Variants in ABCC9 observed in about 807,000 individuals in gnomAD.
ABCC9 encodes ATP binding cassette subfamily C member 9.
ABCC9 carries 95 observed loss-of-function variants against 188.3 expected under a neutral mutation model. The ratio of observed to expected loss-of-function variants is 0.50; its 90% CI spans 0.43 to 0.60. The LOEUF (loss-of-function observed/expected upper bound fraction) is 0.60. Ranked by LOEUF, ABCC9 falls within the 20% of genes least tolerant of loss-of-function variation. The probability of loss-of-function intolerance (pLI) is 0.00; values close to 1 mark genes in which losing one functional copy is unlikely to be tolerated. For synonymous variants in ABCC9, 659 were observed against 652.7 expected (o/e 1.01, Z -0.15); for missense variants, 1,102 against 1,876.3 (o/e 0.59, Z 7.62).
chr12:21,815,396 C>T (rs1364055056), intron 34 of ABCC9, among the ~76,000 whole-genome samples: 3 of 149,118 alleles, frequency 2.0e-5, no homozygotes, highest in Admixed American at 6.8e-5. Flanking sequence ...CCATTTTCTT[C>T]TGCCCACTTG....
At chr12:21,823,455 G>A (rs1163245429) in intron 31 of ABCC9, among the ~76,000 whole-genome samples, 5 of 152,094 alleles carry the variant, frequency 3.3e-5, no homozygotes, top group East Asian at 1.9e-4. Context: ...TTCAAATTAC[G>A]AGATCACTGC....
intron 12 of ABCC9, among the ~76,000 whole-genome samples, chr12:21,900,338 A>G (rs1245890248): frequency 6.6e-6 from 1 of 152,222 alleles, no homozygotes; most frequent in Non-Finnish European, 1.5e-5. Context: ...CCAAAGGTAG[A>G]TAAAACCACA....
At chr12:21,918,207 T>C (rs1045110571) in intron 5 of ABCC9, among the ~76,000 whole-genome samples, 2 of 151,858 alleles carry the variant, frequency 1.3e-5, no homozygotes, top group African/African-American at 4.8e-5. Flanking sequence ...TTATCAGAAA[T>C]AAAAAAGACT....
intron 2 of ABCC9, chr12:21,938,173 T>A (rs1335585924): frequency 6.6e-6 from 1 of 152,192 alleles, no homozygotes; most frequent in Admixed American, 6.5e-5. Flanking sequence ...AAGCATTATA[T>A]GAATGCCTCA....
intron 14 of ABCC9, among the ~76,000 whole-genome samples, chr12:21,893,118 T>C (rs1400451228): frequency 1.3e-5 from 2 of 152,124 alleles, no homozygotes; most frequent in East Asian, 1.9e-4. Context: ...ATAAGACATA[T>C]AGACTGTCGT....
At chr12:21,801,286 T>C in intron 39 of ABCC9, 105 bp from the exon 40 acceptor site, 1 of 1,460,260 alleles carries the variant, frequency 6.8e-7, no homozygotes, top group Non-Finnish European at 9.5e-7. Context: ...TTGTTTATCT[T>C]GGTGAGTGAC....
In ABCC9 at chr12:21,908,170, T is replaced by G; in HGVS notation, c.1362A>C (p.Ser454=). Residue 454 remains serine, a synonymous_variant, in exon 11 of 40, where the codon TCA becomes TCC. Transcript: ENST00000261200. ...TGACAGCTGCACCGACCAATGCACT[T>G]GATCCAAGTAAATTATAGAGCAGAA... The part of the protein sequence containing the change: ...GVILLYNLLG[S]SALVGAAVIV... 1 of 1,612,670 alleles carries G rather than the reference T, an allele frequency of 6.2e-7. No individual in the cohort carries two copies. Among genetic ancestry groups the G allele is most frequent in the Non-Finnish European group, 8.5e-7 (1 of 1,179,044 alleles).
chr12:21,866,669 C>T (rs139412164), intron 18 of ABCC9, among the ~76,000 whole-genome samples: 2,069 of 152,196 alleles, frequency 0.014, 24 homozygotes, highest in Middle Eastern at 0.065. Flanking sequence ...GCAAGGGTCA[C>T]GGAAACCAAG....
intron 11 of ABCC9, among the ~76,000 whole-genome samples, chr12:21,906,499 A>C (rs1251647364): frequency 6.6e-6 from 1 of 152,056 alleles, no homozygotes; most frequent in Non-Finnish European, 1.5e-5. Context: ...ATTTCTTTCC[A>C]CCTAAAAACA....
intron 16 of ABCC9, among the ~76,000 whole-genome samples, chr12:21,882,313 A>G (rs4148665): frequency 0.67 from 102,461 of 152,034 alleles, 35,964 homozygotes; most frequent in Non-Finnish European, 0.77. Context: ...GGAGAGTCCA[A>G]ATAGCCAAGT....
intron 12 of ABCC9, among the ~76,000 whole-genome samples, chr12:21,896,247 C>T (rs1298745260): frequency 6.6e-6 from 1 of 151,868 alleles, no homozygotes; most frequent in African/African-American, 2.4e-5. Context: ...AAATCATCTG[C>T]TCTCAGGGAT....
At chr12:21,824,869 G>A (rs1429277784) in intron 31 of ABCC9, among the ~76,000 whole-genome samples, 1 of 151,978 alleles carries the variant, frequency 6.6e-6, no homozygotes, top group African/African-American at 2.4e-5. Flanking sequence ...GCATGTATTT[G>A]ATTCTTTTCT....
chr12:21,890,686 T>C (rs1239315339), intron 14 of ABCC9, among the ~76,000 whole-genome samples: 1 of 152,102 alleles, frequency 6.6e-6, no homozygotes, highest in East Asian at 1.9e-4. Context: ...TGGATGAAAC[T>C]GGAAACCATC....
chr12:21,921,571 A>T (rs1469242242), intron 5 of ABCC9, among the ~76,000 whole-genome samples: 1 of 151,766 alleles, frequency 6.6e-6, no homozygotes, highest in Non-Finnish European at 1.5e-5. Flanking sequence ...AAGCTTTTTA[A>T]CTTGATGTGA....
chr12:21,934,397 G>C (rs1949405275), intron 3 of ABCC9, among the ~76,000 whole-genome samples: 1 of 151,996 alleles, frequency 6.6e-6, no homozygotes, highest in Non-Finnish European at 1.5e-5. Flanking sequence ...CATCATATGA[G>C]AAAAATTGTT....
At chr12:21,896,547 C>T (rs1242637230) in intron 12 of ABCC9, among the ~76,000 whole-genome samples, 1 of 152,118 alleles carries the variant, frequency 6.6e-6, no homozygotes, top group Non-Finnish European at 1.5e-5. Context: ...AGCCCAGATG[C>T]ATTAGCTACT....
At chr12:21,834,341 G>A (rs1943950836) in intron 30 of ABCC9, among the ~76,000 whole-genome samples, 1 of 151,974 alleles carries the variant, frequency 6.6e-6, no homozygotes, top group South Asian at 2.1e-4. Context: ...TTAACATTTG[G>A]CACTTATATG....
chr12:21,862,821 T>G, intron 20 of ABCC9, 132 bp downstream of exon 20: 1 of 667,520 alleles, frequency 1.5e-6, no homozygotes, highest in Non-Finnish European at 2.7e-6. Flanking sequence ...ACCTTGGTGA[T>G]GAGGATGAAA....
intron 30 of ABCC9, among the ~76,000 whole-genome samples, chr12:21,833,990 A>G (rs1274765327): frequency 6.6e-6 from 1 of 152,162 alleles, no homozygotes; most frequent in Non-Finnish European, 1.5e-5. Flanking sequence ...AACTCTTTCA[A>G]AAAGTAGTTT....
Sources: gnomAD v4.1 joint callset for allele counts (sites outside exome capture counted in the v4.1 genomes callset) on GRCh38, gnomAD v4.1.1 for gene constraint, MANE v1.5 for transcripts, NCBI Gene and HGNC (gene_info 2026-07-23, HGNC 2026-07-21) for gene names.